GRM7: variants seen among roughly 807,000 people sequenced by gnomAD.
The protein encoded by GRM7 is glutamate metabotropic receptor 7.
In GRM7, 35 loss-of-function variants were observed where a neutral mutation model predicts 84.5. The observed-to-expected ratio is 0.41, with a 90% CI of 0.32 to 0.55. The LOEUF is 0.55. Ranked by LOEUF, GRM7 falls within the 20% of genes least tolerant of loss-of-function variation. GRM7 has a pLI of 0.19. For synonymous variants in GRM7, 487 were observed against 455.1 expected (o/e 1.07, Z -0.89); for missense variants, 1,003 against 1,194.6 (o/e 0.84, Z 2.36).
chr3:7,547,757 G>C (rs990258542), intron 7 of GRM7, among the ~76,000 whole-genome samples: 1 of 152,030 alleles, frequency 6.6e-6, no homozygotes, highest in Non-Finnish European at 1.5e-5. Flanking sequence ...TGTACAAAAG[G>C]AAAAAATAGC....
chr3:7,621,690 A>G (rs1015783071), intron 8 of GRM7, among the ~76,000 whole-genome samples: 2 of 152,108 alleles, frequency 1.3e-5, no homozygotes, highest in Admixed American at 1.3e-4. Context: ...ATGACCAGTA[A>G]AATATATGAA....
chr3:6,930,799 T>G (rs1339797116), intron 1 of GRM7, among the ~76,000 whole-genome samples: 1 of 152,198 alleles, frequency 6.6e-6, no homozygotes, highest in African/African-American at 2.4e-5. Context: ...TTGCAGATAG[T>G]CTCATTTTCT....
At chr3:7,326,523 G>T (rs1053787793) in intron 4 of GRM7, among the ~76,000 whole-genome samples, 104 of 152,048 alleles carry the variant, frequency 6.8e-4, no homozygotes, top group Admixed American at 4.8e-3. Flanking sequence ...GAAAGGAAAA[G>T]ATATTGAGCA....
At chr3:6,977,365 C>T (rs1575090264) in intron 1 of GRM7, among the ~76,000 whole-genome samples, 2 of 150,892 alleles carry the variant, frequency 1.3e-5, no homozygotes. Flanking sequence ...GTGTGTTTGT[C>T]TGTGTGTGTG....
chr3:7,064,482 A>ACACACACACC (rs1697565275), intron 1 of GRM7, among the ~76,000 whole-genome samples: 1 of 77,096 alleles, frequency 1.3e-5, no homozygotes, highest in African/African-American at 5.1e-5. Flanking sequence ...ATATATATAC[A>ACACACACACC]CACATATACA....
At chr3:7,051,883 C>G (rs1348526101) in intron 1 of GRM7, among the ~76,000 whole-genome samples, 2 of 151,666 alleles carry the variant, frequency 1.3e-5, no homozygotes, top group Non-Finnish European at 3.0e-5. Context: ...CAATGGGTGA[C>G]TTTATTTAAT....
intron 9 of GRM7, chr3:7,681,910 T>C (rs1048771453): frequency 6.6e-6 from 1 of 152,246 alleles, no homozygotes; most frequent in Non-Finnish European, 1.5e-5. Flanking sequence ...GTCAACGTCT[T>C]TCCCTTCCTG....
chr3:6,947,088 T>C (rs1169358692), intron 1 of GRM7, among the ~76,000 whole-genome samples: 1 of 152,210 alleles, frequency 6.6e-6, no homozygotes, highest in Non-Finnish European at 1.5e-5. Flanking sequence ...TCCAACACTA[T>C]GTTGAATACG....
At chr3:6,883,270 A>C (rs982841963) in intron 1 of GRM7, among the ~76,000 whole-genome samples, 1 of 152,090 alleles carries the variant, frequency 6.6e-6, no homozygotes, top group East Asian at 1.9e-4. Flanking sequence ...CTTTTTATAT[A>C]TTATAATGTT....
intron 1 of GRM7, among the ~76,000 whole-genome samples, chr3:7,004,043 T>C (rs1695100195): frequency 6.6e-6 from 1 of 152,202 alleles, no homozygotes; most frequent in African/African-American, 2.4e-5. Flanking sequence ...TGAGTGTTTT[T>C]GCATAATGGC....
chr3:6,969,826 G>A (rs954619084), intron 1 of GRM7, among the ~76,000 whole-genome samples: 2 of 152,182 alleles, frequency 1.3e-5, no homozygotes, highest in Admixed American at 6.5e-5. Flanking sequence ...TCCCCAGACA[G>A]ACTTGACACA....
At chr3:7,308,488 T>C (rs895088817) in intron 4 of GRM7, among the ~76,000 whole-genome samples, 1 of 152,216 alleles carries the variant, frequency 6.6e-6, no homozygotes, top group African/African-American at 2.4e-5. Flanking sequence ...TAAGTGATTA[T>C]GTGTCTGGAG....
In GRM7 at chr3:7,335,240, G is replaced by A. The variant is rs186348440; in HGVS notation, c.1033+28588G>A. ...TCTCAGACCACAGTGAAATAAAATT[G>A]GAAACTAACTCCAAGAGGAACCTTT... On this transcript the variant is annotated intron_variant, in intron 4 of 9. Transcript: ENST00000357716. 1.1e-4 allele frequency among the ~76,000 whole-genome samples: 17 copies of A among 152,046 alleles called. No individual in the cohort carries two copies. In the East Asian group the frequency reaches 3.3e-3, roughly 29 times the overall value.
In GRM7 at chr3:6,896,550, C is replaced by A. The variant is rs1696189178; in HGVS notation, c.519+34643C>A. On this transcript the variant is annotated intron_variant, in intron 1 of 9. Transcript: ENST00000357716. ...GCAAGTCCCTGCAGGGTAAGCATTG[C>A]ACCTGCATCATCAGTGTGGCCTGAT... 2.0e-5 allele frequency among the ~76,000 whole-genome samples: 3 copies of A among 152,148 alleles called. 1 individual carries two copies. In the South Asian group the frequency reaches 6.2e-4, roughly 31 times the overall value.
chr3:7,297,416 A>T (rs1451944800), intron 2 of GRM7, among the ~76,000 whole-genome samples: 1 of 152,188 alleles, frequency 6.6e-6, no homozygotes, highest in African/African-American at 2.4e-5. Context: ...GGTCTATCTT[A>T]ATAAATATTG....
At chr3:6,889,861 C>A (rs1281765623) in intron 1 of GRM7, among the ~76,000 whole-genome samples, 1 of 152,104 alleles carries the variant, frequency 6.6e-6, no homozygotes, top group Non-Finnish European at 1.5e-5. Flanking sequence ...CCATCTGGTC[C>A]TGGACTCTTT....
rs1575110882 is a variant in GRM7, at chr3:6,995,669, A to C, written c.519+133762A>C. Among the ~76,000 whole-genome samples, 8 of 152,322 alleles carry C rather than the reference A, an allele frequency of 5.3e-5. No homozygotes were observed. In the South Asian group the frequency reaches 1.7e-3, roughly 32 times the overall value. On this transcript the variant is annotated intron_variant, in intron 1 of 9. Coordinates refer to ENST00000357716, the MANE Select transcript of GRM7 (RefSeq NM_000844.4). ...CAAGAATCAAAGAAATAATCACATAAAATTGAATTGGAACAGCTATTTTTA... is the reference window on the plus strand; with the variant it reads ...CAAGAATCAAAGAAATAATCACATACAATTGAATTGGAACAGCTATTTTTA...
chr3:6,949,971 A>G (rs12487193), intron 1 of GRM7, among the ~76,000 whole-genome samples: 35,075 of 151,828 alleles, frequency 0.23, 4,169 homozygotes, highest in Non-Finnish European at 0.26. Context: ...TTTTTTTTCA[A>G]AGTTTTTAAT....
chr3:7,711,588 C>T (rs1575659860), intron 9 of GRM7, among the ~76,000 whole-genome samples: 1 of 152,174 alleles, frequency 6.6e-6, no homozygotes, highest in Admixed American at 6.5e-5. Flanking sequence ...CTCTAACTCC[C>T]GTTATAGCAT....
Sources: gnomAD v4.1 joint callset for allele counts (sites outside exome capture counted in the v4.1 genomes callset) on GRCh38, gnomAD v4.1.1 for gene constraint, MANE v1.5 for transcripts, NCBI Gene and HGNC (gene_info 2026-07-23, HGNC 2026-07-21) for gene names.